Variants in ENTPD6 observed in about 807,000 individuals in gnomAD.
ENTPD6 encodes CD39 antigen-like 2.
A neutral mutation model predicts 61.5 loss-of-function variants in ENTPD6; 46 were observed. The ratio of observed to expected loss-of-function variants is 0.75; its 90% CI spans 0.59 to 0.96. ENTPD6 has a LOEUF of 0.96. Among genes scored for constraint, ENTPD6 ranks in the 40% least tolerant of loss-of-function variants. The pLI, the probability that ENTPD6 is intolerant of heterozygous loss-of-function variation, is 0.00. For missense variants in ENTPD6, 612 were observed against 629.0 expected, an observed-to-expected ratio of 0.97 and a Z score of 0.29; for synonymous variants, 252 against 255.5, an observed-to-expected ratio of 0.99 and a Z score of 0.13.
chr20:25,196,785 A>G (rs2090473979), intron 1 of ENTPD6, among the ~76,000 whole-genome samples: 2 of 152,224 alleles, frequency 1.3e-5, no homozygotes, highest in South Asian at 4.1e-4. Context: ...GCCGGTAGTC[A>G]TTTTTGAAGG....
chr20:25,212,283 T>C (rs950900575), intron 4 of ENTPD6, among the ~76,000 whole-genome samples: 3 of 152,158 alleles, frequency 2.0e-5, no homozygotes, highest in Non-Finnish European at 4.4e-5. Context: ...CTCGTTGTAG[T>C]TATCATGGGG....
chr20:25,213,122 T>A, intron 4 of ENTPD6, 141 bp from the exon 5 acceptor site: 1 of 894,186 alleles, frequency 1.1e-6, no homozygotes, highest in Non-Finnish European at 1.7e-6. Flanking sequence ...TGAGCTGTGA[T>A]CAAGCCACTT....
intron 1 of ENTPD6, among the ~76,000 whole-genome samples, chr20:25,206,037 G>A (rs1236542411): frequency 6.6e-6 from 1 of 152,234 alleles, no homozygotes; most frequent in Non-Finnish European, 1.5e-5. Context: ...CTTCTGTAAA[G>A]CCCGCATGTG....
chr20:25,196,753 C>G (rs117558631), intron 1 of ENTPD6, among the ~76,000 whole-genome samples: 5,257 of 152,278 alleles, frequency 0.035, 102 homozygotes, highest in Middle Eastern at 0.065. Context: ...TCCTCCCACC[C>G]GCTGTGCAAG....
chr20:25,225,389 TG>T (rs2092771207), intron 14 of ENTPD6, 72 bp downstream of exon 14: 1 of 1,591,722 alleles, frequency 6.3e-7, no homozygotes, highest in Admixed American at 1.7e-5. Context: ...CTCCAGTTGC[TG>T]GGGTCATGTC....
At chr20:25,207,822 G>C (rs1349495226) in intron 3 of ENTPD6, among the ~76,000 whole-genome samples, 1 of 152,230 alleles carries the variant, frequency 6.6e-6, no homozygotes, top group African/African-American at 2.4e-5. Flanking sequence ...GCTGCCAGGT[G>C]GGCCAAGATG....
Position 25,225,829 on chromosome 20 carries a change from C to G in ENTPD6, c.*232C>G, listed in dbSNP as rs6132818. 5 of 513,584 alleles carry G rather than the reference C, an allele frequency of 9.7e-6. No individual in the cohort carries two copies. In the Admixed American group the frequency reaches 1.8e-4, roughly 18 times the overall value. 31.8% of individuals were successfully genotyped at this position (513,584 alleles called of 1,614,324 possible). A position where few individuals can be genotyped will look rare whatever the true frequency, so the allele number is the denominator to read the frequency against. On this transcript the variant is annotated 3_prime_UTR_variant, in exon 15 of 15. Coordinates refer to ENST00000376652, the MANE Select transcript of ENTPD6 (RefSeq NM_001247.5). ...GCCCTGCTCAATGCCACCTGTCTGC[C>G]TGGGCTCCAAGTGGGCAGGACCAGG...
chr20:25,208,038 G>A (rs987736050), intron 3 of ENTPD6, among the ~76,000 whole-genome samples: 2 of 152,134 alleles, frequency 1.3e-5, no homozygotes, highest in East Asian at 1.9e-4. Flanking sequence ...CCTGAGGTTC[G>A]CCCTCCATGT....
rs570067128 is a variant in ENTPD6, at chr20:25,217,677, C to G, written c.878+96C>G. ...CCTCTTGAGGTCATGGATGGCAGATCTGGGAATCCCTGTGCTGGGAATCCA... is the reference window on the plus strand; with the variant it reads ...CCTCTTGAGGTCATGGATGGCAGATGTGGGAATCCCTGTGCTGGGAATCCA... On this transcript the variant is annotated intron_variant, in intron 9 of 14. Transcript: ENST00000376652. 5.9e-5 allele frequency: 61 copies of G among 1,033,804 alleles called. 1 individual carries two copies. The South Asian group carries it at 7.8e-4, about 13-fold the overall frequency. The allele number at this position is 1,033,804 out of a possible 1,614,324, so 64.0% of individuals were successfully genotyped here.
rs114511476 is a variant in ENTPD6, at chr20:25,219,735, C to G, written c.943+1121C>G. Among the ~76,000 whole-genome samples, 1,268 of 152,302 alleles carry G rather than the reference C, an allele frequency of 8.3e-3. 16 individuals carry two copies. The highest frequency in any genetic ancestry group is 0.027 in the African/African-American group (1,126 of 41,544). On this transcript the variant is annotated intron_variant, in intron 10 of 14. Coordinates refer to ENST00000376652, the MANE Select transcript of ENTPD6 (RefSeq NM_001247.5). Reference sequence around the variant, plus strand: ...CCAGCCAAATGCCCTTACCTCAGCCCCCAGCGCCCCATTGGCCCAGCACCC... The same window carrying G: ...CCAGCCAAATGCCCTTACCTCAGCCGCCAGCGCCCCATTGGCCCAGCACCC...
chr20:25,227,003 G>A lies in ENTPD6; in HGVS notation c.*1406G>A, dbSNP rs1190835205. On this transcript the variant is annotated 3_prime_UTR_variant, in exon 15 of 15. Coordinates refer to ENST00000376652, the MANE Select transcript of ENTPD6 (RefSeq NM_001247.5). ...AGGTGAGGCCTGGGCACATAACCTC[G>A]AGTGAGCTGCAAGTCCCCATGTCAT... Among the ~76,000 whole-genome samples the A allele has an allele frequency of 6.6e-6, 1 of 152,226 alleles. No individual in the cohort carries two copies. Among genetic ancestry groups the A allele is most frequent in the East Asian group, 1.9e-4 (1 of 5,196 alleles).
At chr20:25,219,725 T>C (rs1420713046) in intron 10 of ENTPD6, among the ~76,000 whole-genome samples, 1 of 152,176 alleles carries the variant, frequency 6.6e-6, no homozygotes, top group Non-Finnish European at 1.5e-5. Context: ...CAAATGCCCT[T>C]ACCTCAGCCC....
chr20:25,197,556 A>T lies in ENTPD6; in HGVS notation c.-16+1689A>T, dbSNP rs532979209. On this transcript the variant is annotated intron_variant, in intron 1 of 14. Coordinates refer to ENST00000376652, the MANE Select transcript of ENTPD6 (RefSeq NM_001247.5). ...TCACGCTGTGGTGTTAGTGGTTCCC[A>T]CAGAAACCCCATTTCCTCTCCGGCA... 7.9e-5 allele frequency among the ~76,000 whole-genome samples: 12 copies of T among 152,348 alleles called. No homozygotes were observed. The South Asian group carries it at 2.5e-3, about 32-fold the overall frequency.
At chr20:25,208,133 A>AGGTCAG (rs2091667903) in intron 3 of ENTPD6, among the ~76,000 whole-genome samples, 1 of 152,142 alleles carries the variant, frequency 6.6e-6, no homozygotes, top group South Asian at 2.1e-4. Flanking sequence ...CTGACCTGGA[A>AGGTCAG]CCTGTGGGGT....
At position 25,225,664 on chromosome 20, in the gene ENTPD6, G is replaced by T; in HGVS notation, c.*67G>T. On this transcript the variant is annotated 3_prime_UTR_variant, in exon 15 of 15. Coordinates refer to ENST00000376652, the MANE Select transcript of ENTPD6 (RefSeq NM_001247.5). ...CTGCATAAACCCTCCTGTCCTGGACGTGACTTCATCCTGAGGAGCCACAGC... is the reference window on the plus strand; with the variant it reads ...CTGCATAAACCCTCCTGTCCTGGACTTGACTTCATCCTGAGGAGCCACAGC... 1 of 1,367,762 alleles carries T rather than the reference G, an allele frequency of 7.3e-7. No homozygotes were observed. The highest frequency in any genetic ancestry group is 2.3e-5 in the East Asian group (1 of 43,458). The allele number at this position is 1,367,762 out of a possible 1,614,324, so 84.7% of individuals were successfully genotyped here.
rs1038360104 is a variant in ENTPD6 at position 25,227,136 on chromosome 20, C to A, written c.*1539C>A. On this transcript the variant is annotated 3_prime_UTR_variant, in exon 15 of 15. Transcript: ENST00000376652. ...CCGAGTGCTTGTGCCTGAAGCCCCC[C>A]CCAACCAACTGTCACAGGAGGACAG... Among the ~76,000 whole-genome samples, 11 of 152,244 alleles carry A rather than the reference C, an allele frequency of 7.2e-5. No homozygotes were observed. Among genetic ancestry groups the A allele is most frequent in the South Asian group, 2.1e-4 (1 of 4,832 alleles).
rs201674118 is a variant in ENTPD6, at chr20:25,206,532, T to C, written c.-5T>C. On this transcript the variant is annotated 5_prime_UTR_variant, in exon 2 of 15. An upstream start codon of the reference 5' UTR is lost. Coordinates refer to ENST00000376652, the MANE Select transcript of ENTPD6 (RefSeq NM_001247.5). ...TTTTCTCCTTGGCAGGAATGGGCTATGTGAATGAAAAAAGGTATCCGTTAT... is the reference window on the plus strand; with the variant it reads ...TTTTCTCCTTGGCAGGAATGGGCTACGTGAATGAAAAAAGGTATCCGTTAT... 161 of 1,613,292 alleles carry C rather than the reference T, an allele frequency of 1.0e-4. 3 individuals are homozygous for C. In the South Asian group the frequency reaches 1.4e-3, roughly 14 times the overall value.
At position 25,207,321 on chromosome 20, in the gene ENTPD6, C is replaced by A; in HGVS notation, c.300C>A (p.Val100=). 1.9e-6 allele frequency: 3 copies of A among 1,595,168 alleles called. No individual in the cohort carries two copies. The highest frequency in any genetic ancestry group is 2.6e-6 in the Non-Finnish European group (3 of 1,166,874). Residue 100 remains valine, a synonymous_variant, in exon 3 of 15, where the codon GTC becomes GTA. Transcript: ENST00000376652. ...PLGTAADGHE[V]FYGIMFDAGS... is the part of the protein sequence containing the mutation. Reference sequence around the variant, plus strand: ...GGACAGCTGCAGACGGGCACGAGGTCTTCTACGGGATCATGTTTGATGCAG... The same window carrying A: ...GGACAGCTGCAGACGGGCACGAGGTATTCTACGGGATCATGTTTGATGCAG...
rs574173884 is a variant in ENTPD6, at chr20:25,218,471, G to A, written c.879-79G>A. The A allele has an allele frequency of 6.1e-5, 82 of 1,353,638 alleles. No individual in the cohort carries two copies. In the East Asian group the frequency reaches 7.1e-4, roughly 12 times the overall value. The allele number at this position is 1,353,638 out of a possible 1,614,324, so 83.9% of individuals were successfully genotyped here. On this transcript the variant is annotated intron_variant, in intron 9 of 14. Coordinates refer to ENST00000376652, the MANE Select transcript of ENTPD6 (RefSeq NM_001247.5). ...GCTGCAAGCTCCCCCTTCCCCACTC[G>A]GGCTGGGTCTCAGAGGTGAGCCTGC...
Sources: allele counts gnomAD v4.1 joint callset (sites outside exome capture counted in the v4.1 genomes callset), GRCh38; gene constraint gnomAD v4.1.1; transcripts MANE v1.5; gene names NCBI Gene and HGNC (gene_info 2026-07-23, HGNC 2026-07-21).